The following DDX3X variants were observed in gnomAD, a reference collection of about 807,000 sequenced individuals.
DDX3X encodes ATP-dependent RNA helicase DDX3X.
Under a neutral mutation model 52.7 loss-of-function variants are expected in DDX3X, and 4 were observed. The ratio of observed to expected loss-of-function variants is 0.08; its 90% CI spans 0.04 to 0.17. DDX3X has a LOEUF of 0.17. DDX3X is among the 10% of genes least tolerant of loss of function. DDX3X has a pLI of 1.00. For synonymous variants in DDX3X, 192 were observed against 178.1 expected (o/e 1.08, Z -0.62); for missense variants, 222 against 548.6 (o/e 0.40, Z 5.95).
At chrX:41,343,017 G>T in intron 6 of DDX3X, 181 bp downstream of exon 6, 1 of 586,874 alleles carries the variant, frequency 1.7e-6, no homozygotes, top group Non-Finnish European at 2.6e-6. Context: ...TAGAAAATGG[G>T]TCAAACATAG....
intron 12 of DDX3X, 69 bp downstream of exon 12, chrX:41,345,617 G>C (rs2063913243): frequency 5.3e-6 from 5 of 936,421 alleles, no homozygotes; most frequent in Non-Finnish European, 7.5e-6. Context: ...TGGAGTGCAG[G>C]GGTTATTCAC....
At chrX:41,342,176 A>G in intron 4 of DDX3X, 2 of 202,243 alleles carry the variant, frequency 9.9e-6, no homozygotes, top group Non-Finnish European at 1.8e-5. Flanking sequence ...ACCATTAAAT[A>G]TATTTGGATG....
At chrX:41,347,215 TTGAA>T (rs1373980697) in intron 15 of DDX3X, 93 bp from the exon 16 acceptor site, 13 of 1,042,440 alleles carry the variant, frequency 1.2e-5, no homozygotes, top group Admixed American at 2.7e-5. Flanking sequence ...GGGGAATTGT[TTGAA>T]TGGAAAAATT....
At chrX:41,359,628 T>G (rs1203563538) in intron 5 of DDX3X, among the ~76,000 whole-genome samples, 1 of 97,958 alleles carries the variant, frequency 1.0e-5, no homozygotes, top group East Asian at 3.3e-4. Context: ...TGCCTCCAAA[T>G]TTTGGAGTGA....
intron 4 of DDX3X, chrX:41,342,183 G>C (rs190839558): frequency 4.3e-4 from 91 of 212,605 alleles, no homozygotes; most frequent in African/African-American, 2.3e-3. Context: ...AATATATTTG[G>C]ATGAGCACTT....
chrX:41,350,995 CAAAAT>C (rs746810482), downstream of DDX3X: 20 of 111,796 alleles, frequency 1.8e-4, no homozygotes, highest in South Asian at 3.7e-4. Flanking sequence ...GTCATGAACT[CAAAAT>C]AAGCATAAGT....
At position 41,347,421 on chromosome X, in the gene DDX3X, G is replaced by A; in HGVS notation, c.1879G>A (p.Gly627Ser). The change falls in exon 16 of 17, where the codon GGC becomes AGC. Residue 627 changes from glycine (G) to serine (S), a missense_variant. Transcript: ENST00000644876. ...AAGCAGCAGCCGCAGTGGCGGAGGT[G>A]GCCACGGTAGCAGCAGAGGATTTGG... Reference protein sequence around the residue: ...RASSSRSGGGGHGSSRGFGGG... With the variant: ...RASSSRSGGGSHGSSRGFGGG... 8.3e-7 allele frequency: 1 copy of A among 1,211,200 alleles called. No homozygotes were observed. Among genetic ancestry groups the A allele is most frequent in the Non-Finnish European group, 1.1e-6 (1 of 895,096 alleles).
rs754205996 is a variant in DDX3X at position 41,347,948 on chromosome X, T to A, written c.*229T>A. 108 of 364,508 alleles carry A rather than the reference T, an allele frequency of 3.0e-4. No homozygotes were observed. The highest frequency in any genetic ancestry group is 2.1e-3 in the African/African-American group (79 of 37,275). 30.0% of individuals were successfully genotyped at this position (364,508 alleles called of 1,213,427 possible). A position where few individuals can be genotyped will look rare whatever the true frequency, so the allele number is the denominator to read the frequency against. The stretch of plus-strand genomic sequence containing the variant: ...GAAGACTTCATTGCTGTAGTTTGGA[T>A]TAACTCCCCTCCCGCCTACCCCCAT... On this transcript the variant is annotated 3_prime_UTR_variant, in exon 17 of 17. Transcript: ENST00000644876.
At chrX:41,334,341 C>T in intron 1 of DDX3X, 44 bp downstream of exon 1, 1 of 1,193,739 alleles carries the variant, frequency 8.4e-7, no homozygotes, top group Non-Finnish European at 1.1e-6. Context: ...GCGTGAATTC[C>T]TCCCCTGACC....
intron 15 of DDX3X, 29 bp from the exon 16 acceptor site, chrX:41,347,283 T>C: frequency 8.4e-7 from 1 of 1,188,861 alleles, no homozygotes; most frequent in Non-Finnish European, 1.1e-6. Context: ...TTCATCTTCA[T>C]GTGAACCAAC....
intron 13 of DDX3X, 30 bp from the exon 14 acceptor site, chrX:41,346,475 G>A (rs776043788): frequency 1.7e-6 from 2 of 1,184,110 alleles, no homozygotes; most frequent in East Asian, 5.9e-5. Context: ...TCTTTTAAGT[G>A]GGCCATATCT....
At position 41,349,997 on chromosome X, in the gene DDX3X, G is replaced by A. The variant is rs1321986986; in HGVS notation, c.*2278G>A. The A allele has an allele frequency of 9.1e-6, 1 of 109,611 alleles. No individual in the cohort carries two copies. The highest frequency in any genetic ancestry group is 1.9e-5 in the Non-Finnish European group (1 of 52,643). The allele number at this position is 109,611 out of a possible 1,213,427, so 9.0% of individuals were successfully genotyped here. A position where few individuals can be genotyped will look rare whatever the true frequency, so the allele number is the denominator to read the frequency against. On this transcript the variant is annotated 3_prime_UTR_variant, in exon 17 of 17. Transcript: ENST00000644876. ...GCATAATCAGTGACTTGTACATTCA[G>A]CAATAGCATTTGAGCAAGTTTTATC...
intron 5 of DDX3X, among the ~76,000 whole-genome samples, chrX:41,358,168 C>T (rs927109016): frequency 9.7e-6 from 1 of 103,420 alleles, no homozygotes; most frequent in Non-Finnish European, 2.0e-5. Flanking sequence ...ACCTCCACCT[C>T]CTGGGTTCAA....
chrX:41,350,041 TTAA>T lies in DDX3X; in HGVS notation c.*2326_*2328del, dbSNP rs1283670483. The T allele has an allele frequency of 2.7e-5, 3 of 111,982 alleles. No individual in the cohort carries two copies. The highest frequency in any genetic ancestry group is 5.6e-5 in the Non-Finnish European group (3 of 53,130). The allele number at this position is 111,982 out of a possible 1,213,427, so 9.2% of individuals were successfully genotyped here. On this transcript the variant is annotated 3_prime_UTR_variant, in exon 17 of 17. Coordinates refer to ENST00000644876, the MANE Select transcript of DDX3X (RefSeq NM_001356.5). ...TTTTATCAGCAAGCAATATTTTCAG[TTAA>T]TAAGGTTTCAAAAATCATGTAAGGA...
At chrX:41,353,625 G>T (rs1228458396), downstream of DDX3X, among the ~76,000 whole-genome samples, 1 of 107,123 alleles carries the variant, frequency 9.3e-6, no homozygotes, top group Non-Finnish European at 1.9e-5. Flanking sequence ...AAAAAAATTA[G>T]CTGGGCGTGG....
At chrX:41,356,465 T>TC (rs1420502922) in intron 5 of DDX3X, among the ~76,000 whole-genome samples, 2 of 91,040 alleles carry the variant, frequency 2.2e-5, no homozygotes, top group African/African-American at 8.3e-5. Flanking sequence ...TTTTTTTTTT[T>TC]TTTTTTTTTT....
chrX:41,342,802 C>T lies in DDX3X; in HGVS notation c.509C>T (p.Ala170Val). 1 of 1,209,031 alleles carries T rather than the reference C, an allele frequency of 8.3e-7. No homozygotes were observed. The highest frequency in any genetic ancestry group is 1.1e-6 in the Non-Finnish European group (1 of 893,061). Residue 170 changes from alanine (A) to valine (V), a missense_variant, in exon 6 of 17, where the codon GCA becomes GTA. By Grantham distance (64) the Ala-to-Val change is moderately conservative. Around this residue, in one of 5 missense-constraint regions of DDX3X, gnomAD observed 73 missense variants for 301.4 expected, o/e 0.24. Transcript: ENST00000644876. ...AAATACGATGACATTCCAGTTGAGGCAACAGGCAACAACTGTCCTCCACAT... is the reference window on the plus strand; with the variant it reads ...AAATACGATGACATTCCAGTTGAGGTAACAGGCAACAACTGTCCTCCACAT... ...FEKYDDIPVE[A>V]TGNNCPPHIE...
intron 5 of DDX3X, among the ~76,000 whole-genome samples, chrX:41,358,341 G>T (rs1357061974): frequency 9.1e-6 from 1 of 110,378 alleles, no homozygotes; most frequent in Non-Finnish European, 1.9e-5. Flanking sequence ...CTCCCAAAGT[G>T]CTGGGATTAC....
rs139960681 is a variant in DDX3X, at chrX:41,341,479, C to T, written c.152-5C>T. The T allele has an allele frequency of 8.4e-7, 1 of 1,189,456 alleles. No homozygotes were observed. The highest frequency in any genetic ancestry group is 1.1e-6 in the Non-Finnish European group (1 of 881,099). ...TAAAATGTATTTGTGCTTTTTTAAT[C>T]AAAGGTTTCTACGATAAAGACAGTT... On this transcript the variant is annotated splice_polypyrimidine_tract_variant and splice_region_variant and intron_variant, in intron 3 of 16. Coordinates refer to ENST00000644876, the MANE Select transcript of DDX3X (RefSeq NM_001356.5).
Sources: gnomAD v4.1 joint callset for allele counts (sites outside exome capture counted in the v4.1 genomes callset) on GRCh38, gnomAD v4.1.1 for gene constraint, gnomAD v4.1.1 regional missense constraint, MANE v1.5 for transcripts, NCBI Gene and HGNC (gene_info 2026-07-23, HGNC 2026-07-21) for gene names.